GABRA1: variants seen among roughly 807,000 people sequenced by gnomAD.
GABRA1 encodes the protein gamma-aminobutyric acid type A receptor subunit alpha1.
In GABRA1, 9 loss-of-function variants were observed where a neutral mutation model predicts 48.9. That is an observed-to-expected ratio of 0.18 (90% CI 0.11 to 0.32). The LOEUF (loss-of-function observed/expected upper bound fraction) is 0.32. GABRA1 is among the 10% of genes least tolerant of loss of function. The pLI is 1.00. For missense variants in GABRA1, 285 were observed against 553.8 expected, an observed-to-expected ratio of 0.51 and a Z score of 4.87; for synonymous variants, 210 against 198.7, an observed-to-expected ratio of 1.06 and a Z score of -0.48.
intron 6 of GABRA1, 51 bp downstream of exon 6, chr5:161,875,693 A>T: frequency 7.7e-7 from 1 of 1,305,244 alleles, no homozygotes; most frequent in Non-Finnish European, 1.1e-6. Flanking sequence ...TAAGCAAGAG[A>T]TCTCTAGCTA....
Position 161,898,135 on chromosome 5 carries a change from C to A in GABRA1, c.*713C>A, listed in dbSNP as rs1755457994. 6.6e-6 allele frequency: 1 copy of A among 152,414 alleles called. No individual in the cohort carries two copies. The highest frequency in any genetic ancestry group is 6.5e-5 in the Admixed American group (1 of 15,272). The allele number at this position is 152,414 out of a possible 1,614,324, so 9.4% of individuals were successfully genotyped here. A position where few individuals can be genotyped will look rare whatever the true frequency, so the allele number is the denominator to read the frequency against. ...TGCTTTAAATAGTTTACTTCACTTT[C>A]ATCTGAGCTTTTACCACTAGACTCA... On this transcript the variant is annotated 3_prime_UTR_variant, in exon 10 of 10. Coordinates refer to ENST00000393943, the MANE Select transcript of GABRA1 (RefSeq NM_001127644.2).
At chr5:161,878,116 C>T (rs975231262) in intron 6 of GABRA1, among the ~76,000 whole-genome samples, 6 of 152,156 alleles carry the variant, frequency 3.9e-5, no homozygotes, top group Admixed American at 3.9e-4. Context: ...GGCAAATACA[C>T]TGTAGGTTCT....
intron 6 of GABRA1, among the ~76,000 whole-genome samples, chr5:161,876,889 A>G (rs751534025): frequency 4.8e-4 from 73 of 152,170 alleles, no homozygotes; most frequent in Non-Finnish European, 9.7e-4. Context: ...TAGGAAGATC[A>G]TACGCCGTAG....
chr5:161,866,651 T>A (rs1387327593), intron 4 of GABRA1, among the ~76,000 whole-genome samples: 1 of 152,120 alleles, frequency 6.6e-6, no homozygotes, highest in Non-Finnish European at 1.5e-5. Flanking sequence ...GTAAAAGCCC[T>A]GACAAGTTCT....
intron 7 of GABRA1, among the ~76,000 whole-genome samples, chr5:161,886,041 T>C (rs1754830259): frequency 6.6e-6 from 1 of 152,134 alleles, no homozygotes; most frequent in South Asian, 2.1e-4. Flanking sequence ...ACAAAAATCC[T>C]AGAATTGAGG....
At chr5:161,893,176 T>C (rs1030007413) in intron 8 of GABRA1, among the ~76,000 whole-genome samples, 2 of 152,000 alleles carry the variant, frequency 1.3e-5, no homozygotes, top group African/African-American at 2.4e-5. Context: ...CTCTTTTGAT[T>C]TGAAAATTAT....
intron 4 of GABRA1, among the ~76,000 whole-genome samples, chr5:161,867,554 T>C (rs1366097357): frequency 6.6e-6 from 1 of 152,124 alleles, no homozygotes; most frequent in South Asian, 2.1e-4. Context: ...TATATTATTA[T>C]AGTTGCCTAT....
intron 4 of GABRA1, among the ~76,000 whole-genome samples, chr5:161,866,852 T>A (rs552295797): frequency 9.0e-4 from 137 of 152,224 alleles, no homozygotes; most frequent in African/African-American, 3.2e-3. Flanking sequence ...ATATGCCAAC[T>A]GGACAAAGAA....
In GABRA1 at chr5:161,899,013, G is replaced by C. The variant is rs1755499163; in HGVS notation, c.*1591G>C. 1 of 152,446 alleles carries C rather than the reference G, an allele frequency of 6.6e-6. No homozygotes were observed. Among genetic ancestry groups the C allele is most frequent in the South Asian group, 2.1e-4 (1 of 4,826 alleles). The allele number at this position is 152,446 out of a possible 1,614,324, so 9.4% of individuals were successfully genotyped here. On this transcript the variant is annotated 3_prime_UTR_variant, in exon 10 of 10. Coordinates refer to ENST00000393943, the MANE Select transcript of GABRA1 (RefSeq NM_001127644.2). ...TTCATTACTGCCCAGATGTTTTAGA[G>C]ATAAATATTTATGCAGAAGGTATTT...
At chr5:161,849,066 G>C (rs1294966501) in intron 1 of GABRA1, 1 of 437,836 alleles carries the variant, frequency 2.3e-6, no homozygotes, top group Non-Finnish European at 4.6e-6. Context: ...CTGGGGGAGG[G>C]GGAGGTTGAA....
Position 161,850,895 on chromosome 5 carries a change from T to A in GABRA1, c.74+11T>A. The A allele has an allele frequency of 1.2e-6, 2 of 1,608,812 alleles. No homozygotes were observed. The highest frequency in any genetic ancestry group is 1.7e-6 in the Non-Finnish European group (2 of 1,175,266). On this transcript the variant is annotated intron_variant, in intron 2 of 9. Coordinates refer to ENST00000393943, the MANE Select transcript of GABRA1 (RefSeq NM_001127644.2). ...ACTGACTGGAAGAAGGTGGGGACAC[T>A]TTTTTAAAAATCTGCATGAAAATTT... is the stretch of plus-strand genomic sequence containing the variant.
chr5:161,879,396 G>T (rs559613359), intron 6 of GABRA1, among the ~76,000 whole-genome samples: 4 of 152,290 alleles, frequency 2.6e-5, no homozygotes, highest in African/African-American at 9.6e-5. Context: ...GCAGAAATAA[G>T]CCACCGTGCC....
intron 6 of GABRA1, among the ~76,000 whole-genome samples, chr5:161,880,057 C>T (rs141481014): frequency 6.6e-6 from 1 of 152,310 alleles, no homozygotes; most frequent in South Asian, 2.1e-4. Context: ...GCAAACCTAT[C>T]TAATATACAG....
chr5:161,892,175 AC>A (rs1755119994), intron 8 of GABRA1, among the ~76,000 whole-genome samples: 1 of 152,158 alleles, frequency 6.6e-6, no homozygotes, highest in African/African-American at 2.4e-5. Flanking sequence ...TTTGGAAATC[AC>A]CACTACGTAT....
At chr5:161,884,515 T>C (rs577157964) in intron 7 of GABRA1, among the ~76,000 whole-genome samples, 7 of 152,308 alleles carry the variant, frequency 4.6e-5, no homozygotes, top group Non-Finnish European at 8.8e-5. Flanking sequence ...ACAAATATTC[T>C]GAATTAATGA....
intron 2 of GABRA1, among the ~76,000 whole-genome samples, chr5:161,851,171 G>C (rs549278145): frequency 6.6e-6 from 1 of 152,002 alleles, no homozygotes; most frequent in South Asian, 2.1e-4. Context: ...CAAAACGTGC[G>C]GTTTCCTAAT....
intron 8 of GABRA1, 129 bp downstream of exon 8, chr5:161,891,179 C>A: frequency 1.2e-6 from 1 of 866,414 alleles, no homozygotes; most frequent in Non-Finnish European, 1.9e-6. Flanking sequence ...CAGAAAGTTT[C>A]AAGGAATTGC....
intron 7 of GABRA1, among the ~76,000 whole-genome samples, chr5:161,886,706 G>C (rs1198425660): frequency 6.6e-6 from 1 of 151,440 alleles, no homozygotes; most frequent in Non-Finnish European, 1.5e-5. Flanking sequence ...AACCCAGGGA[G>C]GTAGAAGCTT....
At chr5:161,871,435 C>T (rs954874186) in intron 4 of GABRA1, among the ~76,000 whole-genome samples, 2 of 152,122 alleles carry the variant, frequency 1.3e-5, no homozygotes, top group Non-Finnish European at 2.9e-5. Context: ...TATTATATCC[C>T]TACCTCACAA....
Sources: allele counts gnomAD v4.1 joint callset (sites outside exome capture counted in the v4.1 genomes callset), GRCh38; gene constraint gnomAD v4.1.1; transcripts MANE v1.5; gene names NCBI Gene and HGNC (gene_info 2026-07-23, HGNC 2026-07-21).